PRDM14: variants seen among roughly 807,000 people sequenced by gnomAD.
The protein encoded by PRDM14 is PR domain zinc finger protein 14.
Under a neutral mutation model 48.0 loss-of-function variants are expected in PRDM14, and 16 were observed. The ratio of observed to expected loss-of-function variants is 0.33; its 90% CI spans 0.23 to 0.51. The LOEUF (loss-of-function observed/expected upper bound fraction) is 0.51, where lower values mean the gene tolerates loss of function less well. Among genes scored for constraint, PRDM14 ranks in the 20% least tolerant of loss-of-function variants. The pLI, the probability that PRDM14 is intolerant of heterozygous loss-of-function variation, is 0.97. For synonymous variants in PRDM14, 264 were observed against 276.6 expected (o/e 0.95, Z 0.45); for missense variants, 566 against 719.6 (o/e 0.79, Z 2.44).
intron 1 of PRDM14, 43 bp from the exon 2 acceptor site, chr8:70,069,927 T>A (rs1281636476): frequency 7.9e-7 from 1 of 1,273,664 alleles, no homozygotes; most frequent in Non-Finnish European, 1.1e-6. Flanking sequence ...CGCGGGAGCT[T>A]CCCGGGGTCC....
intron 6 of PRDM14, among the ~76,000 whole-genome samples, chr8:70,056,804 G>T (rs1805479799): frequency 7.7e-6 from 1 of 130,066 alleles, no homozygotes; most frequent in African/African-American, 3.1e-5. Flanking sequence ...GGGCAACAGA[G>T]TGAGACTGTC....
chr8:70,058,171 C>T (rs1286834800), intron 6 of PRDM14, among the ~76,000 whole-genome samples: 1 of 152,188 alleles, frequency 6.6e-6, no homozygotes, highest in Non-Finnish European at 1.5e-5. Flanking sequence ...CTTGGAAGGA[C>T]CGTGCCTTCA....
At chr8:70,070,461 G>C (rs564735851) in intron 1 of PRDM14, among the ~76,000 whole-genome samples, 14 of 152,154 alleles carry the variant, frequency 9.2e-5, no homozygotes, top group Non-Finnish European at 1.8e-4. Context: ...CGCGCTCCCA[G>C]AGCCCCCGGG....
intron 5 of PRDM14, among the ~76,000 whole-genome samples, chr8:70,064,211 T>C (rs1216706738): frequency 6.6e-6 from 1 of 152,014 alleles, no homozygotes; most frequent in Non-Finnish European, 1.5e-5. Context: ...ATTAGATAAA[T>C]AATGACGGCT....
At chr8:70,065,255 C>T (rs375272484) in intron 5 of PRDM14, among the ~76,000 whole-genome samples, 4 of 152,004 alleles carry the variant, frequency 2.6e-5, no homozygotes, top group East Asian at 1.9e-4. Flanking sequence ...CGCCCATCTC[C>T]GCCTCCAAAA....
At chr8:70,054,313 G>A (rs1335876576) in intron 7 of PRDM14, among the ~76,000 whole-genome samples, 1 of 152,110 alleles carries the variant, frequency 6.6e-6, no homozygotes, top group African/African-American at 2.4e-5. Flanking sequence ...GTACTTTTAT[G>A]TTATGCCAGG....
Position 70,069,653 on chromosome 8 carries a change from G to C in PRDM14, c.208C>G (p.Pro70Ala). 1 of 1,569,706 alleles carries C rather than the reference G, an allele frequency of 6.4e-7. No individual in the cohort carries two copies. Among genetic ancestry groups the C allele is most frequent in the Non-Finnish European group, 8.6e-7 (1 of 1,157,446 alleles). Residue 70 changes from proline to alanine, a missense_variant, in exon 2 of 8, where the codon CCC becomes GCC. Coordinates refer to ENST00000276594, the MANE Select transcript of PRDM14 (RefSeq NM_024504.4). ...ASAAPAMPPF[P>A]FRMAPPLLSP... Reference sequence around the variant, plus strand: ...AGCAAGGGAGGCGCCATCCGGAAGGGGAAGGGGGGCATGGCGGGGGCAGCA... The same window carrying C: ...AGCAAGGGAGGCGCCATCCGGAAGGCGAAGGGGGGCATGGCGGGGGCAGCA...
At chr8:70,065,171 C>A (rs1805647500) in intron 5 of PRDM14, among the ~76,000 whole-genome samples, 1 of 152,118 alleles carries the variant, frequency 6.6e-6, no homozygotes, top group Non-Finnish European at 1.5e-5. Flanking sequence ...GAGGCGTGAG[C>A]CACTGTGCCC....
In PRDM14 at chr8:70,068,275, A is replaced by G. The variant is rs768436546; in HGVS notation, c.867T>C (p.Asn289=). ...CTCCGTAGGTCTTCACTTCACTGGCATTGACCACTTTACCTTGAAAGGGCC... is the reference window on the plus strand; with the variant it reads ...CTCCGTAGGTCTTCACTTCACTGGCGTTGACCACTTTACCTTGAAAGGGCC... The part of the protein sequence containing the change: ...RFGPFQGKVV[N]ASEVKTYGDN... Residue 289 remains asparagine (N), a synonymous_variant, in exon 4 of 8, where the codon AAT becomes AAC. Transcript: ENST00000276594. The G allele has an allele frequency of 2.8e-5, 46 of 1,614,110 alleles. No homozygotes were observed. The highest frequency in any genetic ancestry group is 2.5e-5 in the Non-Finnish European group (30 of 1,180,054).
At position 70,069,686 on chromosome 8, in the gene PRDM14, C is replaced by T; in HGVS notation, c.175G>A (p.Ala59Thr). 1.3e-6 allele frequency: 2 copies of T among 1,553,068 alleles called. No individual in the cohort carries two copies. Among genetic ancestry groups the T allele is most frequent in the Non-Finnish European group, 8.7e-7 (1 of 1,149,254 alleles). The change falls in exon 2 of 8, where the codon GCA (alanine) becomes ACA (threonine). Residue 59 changes from alanine to threonine, a missense_variant. Around this residue, in one of 3 missense-constraint regions of PRDM14, gnomAD observed 410 missense variants for 424.6 expected, o/e 0.97. Coordinates refer to ENST00000276594, the MANE Select transcript of PRDM14 (RefSeq NM_024504.4). ...GGCATGGCGGGGGCAGCAGACGCTG[C>T]GGCCTCCAGCTGCCGGAAAGGTTGG... ...DFQPFRQLEAAASAAPAMPPF... is the reference protein window; with the variant it reads ...DFQPFRQLEATASAAPAMPPF...
At chr8:70,059,538 G>C (rs905409986) in intron 5 of PRDM14, among the ~76,000 whole-genome samples, 10 of 151,942 alleles carry the variant, frequency 6.6e-5, no homozygotes, top group African/African-American at 2.4e-4. Context: ...CCAAAGTGCT[G>C]GGATTACAGG....
intron 5 of PRDM14, among the ~76,000 whole-genome samples, chr8:70,063,789 T>C (rs1805623789): frequency 6.6e-6 from 1 of 152,210 alleles, no homozygotes; most frequent in Admixed American, 6.5e-5. Flanking sequence ...TCCCAAAGTG[T>C]TGGGGTTACA....
At chr8:70,055,516 T>C (rs1306916127) in intron 6 of PRDM14, 115 bp from the exon 7 acceptor site, 10 of 572,244 alleles carry the variant, frequency 1.7e-5, no homozygotes, top group African/African-American at 1.3e-4. Context: ...TTTCTTTTTT[T>C]TTTTTTTGAG....
Position 70,070,028 on chromosome 8 carries a change from C to G in PRDM14, c.-24-144G>C, listed in dbSNP as rs73285312. The G allele has an allele frequency of 5.8e-3, 3,204 of 553,694 alleles. 81 individuals carry two copies. The highest frequency in any genetic ancestry group is 0.055 in the African/African-American group (2,882 of 52,658). The allele number at this position is 553,694 out of a possible 1,614,324, so 34.3% of individuals were successfully genotyped here. On this transcript the variant is annotated intron_variant, in intron 1 of 7. Coordinates refer to ENST00000276594, the MANE Select transcript of PRDM14 (RefSeq NM_024504.4). ...CGCCCCCAGTCCGATCCCGCCAGCC[C>G]GCTCCCACAATTAAGACAAAACGAA...
Position 70,069,793 on chromosome 8 carries a change from G to C in PRDM14, c.68C>G (p.Pro23Arg). 1 of 1,610,148 alleles carries C rather than the reference G, an allele frequency of 6.2e-7. No homozygotes were observed. Among genetic ancestry groups the C allele is most frequent in the Non-Finnish European group, 8.5e-7 (1 of 1,178,778 alleles). The change falls in exon 2 of 8, where the codon CCG (proline) becomes CGG (arginine). Residue 23 changes from proline (P) to arginine (R), a missense_variant. Pro to Arg is a moderately radical substitution (Grantham distance 103). Coordinates refer to ENST00000276594, the MANE Select transcript of PRDM14 (RefSeq NM_024504.4). Reference protein sequence around the residue: ...DKVCYPPESSPQNLAAYYTPF... With the variant: ...DKVCYPPESSRQNLAAYYTPF... Reference sequence around the variant, plus strand: ...CGTGTAGTACGCGGCCAGGTTCTGCGGGCTGCTCTCCGGCGGGTAGCACAC... The same window carrying C: ...CGTGTAGTACGCGGCCAGGTTCTGCCGGCTGCTCTCCGGCGGGTAGCACAC...
chr8:70,064,761 G>C (rs998357613), intron 5 of PRDM14, among the ~76,000 whole-genome samples: 1 of 151,516 alleles, frequency 6.6e-6, no homozygotes, highest in South Asian at 2.1e-4. Context: ...TCCTGACCTC[G>C]TGATCCGCCC....
chr8:70,070,334 G>T (rs951392798), intron 1 of PRDM14, among the ~76,000 whole-genome samples: 3 of 152,090 alleles, frequency 2.0e-5, no homozygotes, highest in African/African-American at 7.2e-5. Context: ...GGGCTGGGCC[G>T]GGAGCCGAGC....
chr8:70,064,632 C>T (rs1420726746), intron 5 of PRDM14, among the ~76,000 whole-genome samples: 1 of 150,624 alleles, frequency 6.6e-6, no homozygotes, highest in African/African-American at 2.4e-5. Context: ...TCACGCCATT[C>T]TCCTGCCTCA....
rs1051827072 is a variant in PRDM14 at position 70,060,400 on chromosome 8, A to G, written c.1184-1558T>C. Among the ~76,000 whole-genome samples the G allele has an allele frequency of 3.5e-4, 43 of 124,576 alleles. 1 individual carries two copies. Among genetic ancestry groups the G allele is most frequent in the Non-Finnish European group, 2.0e-4 (12 of 59,762 alleles). The allele number at this position is 124,576 out of a possible 152,430, so 81.7% of individuals were successfully genotyped here. A position where few individuals can be genotyped will look rare whatever the true frequency, so the allele number is the denominator to read the frequency against. On this transcript the variant is annotated intron_variant, in intron 5 of 7. Transcript: ENST00000276594. ...GGCAACAGAGCAACACTTTGTCTCG[A>G]AAAAAAAAAAAAAACATAACCATAA... is the stretch of plus-strand genomic sequence containing the variant.
Sources: gnomAD v4.1 joint callset for allele counts (sites outside exome capture counted in the v4.1 genomes callset) on GRCh38, gnomAD v4.1.1 for gene constraint, gnomAD v4.1.1 regional missense constraint, MANE v1.5 for transcripts, NCBI Gene and HGNC (gene_info 2026-07-23, HGNC 2026-07-21) for gene names.